WDPCP: variants seen among roughly 807,000 people sequenced by gnomAD.
WDPCP encodes WD repeat-containing and planar cell polarity effector protein fritz homolog.
In WDPCP, 71 loss-of-function variants were observed where a neutral mutation model predicts 93.1. The observed-to-expected ratio is 0.76, with a 90% CI of 0.63 to 0.93. The LOEUF (loss-of-function observed/expected upper bound fraction) is 0.93. Ranked by LOEUF, WDPCP falls within the 40% of genes least tolerant of loss-of-function variation. WDPCP has a pLI of 0.00. For synonymous variants in WDPCP, 315 were observed against 315.0 expected, an observed-to-expected ratio of 1.00 and a Z score of 0.00; for missense variants, 844 against 887.4, an observed-to-expected ratio of 0.95 and a Z score of 0.62.
At chr2:63,249,634 T>A (rs901734254) in intron 14 of WDPCP, among the ~76,000 whole-genome samples, 1 of 152,054 alleles carries the variant, frequency 6.6e-6, no homozygotes. Flanking sequence ...AACTGTGGGG[T>A]AACAAGGACA....
chr2:63,167,211 C>A (rs1399451277), intron 15 of WDPCP, among the ~76,000 whole-genome samples: 2 of 152,116 alleles, frequency 1.3e-5, no homozygotes, highest in Non-Finnish European at 2.9e-5. Flanking sequence ...AACATATGGT[C>A]CATAAGCCTA....
intron 12 of WDPCP, among the ~76,000 whole-genome samples, chr2:63,362,277 T>TGGGTGTGTGTG (rs1553362984): frequency 1.1e-5 from 1 of 94,108 alleles, no homozygotes. Flanking sequence ...TTTTTTTTGG[T>TGGGTGTGTGTG]TGTGTGTGTG....
At chr2:63,797,082 G>A (rs1324650237) in intron 2 of WDPCP, among the ~76,000 whole-genome samples, 1 of 152,172 alleles carries the variant, frequency 6.6e-6, no homozygotes, top group Non-Finnish European at 1.5e-5. Context: ...ACATGACTGG[G>A]CCAGAAGGGA....
intron 12 of WDPCP, among the ~76,000 whole-genome samples, chr2:63,322,078 GTAAATGCA>G (rs1687146134): frequency 1.3e-5 from 2 of 152,294 alleles, no homozygotes; most frequent in South Asian, 4.1e-4. Flanking sequence ...CTAAAGAATT[GTAAATGCA>G]CCAATCAGCA....
At chr2:63,467,049 T>C (rs1219992633) in intron 6 of WDPCP, among the ~76,000 whole-genome samples, 1 of 152,220 alleles carries the variant, frequency 6.6e-6, no homozygotes, top group African/African-American at 2.4e-5. Flanking sequence ...GTCACAACCA[T>C]GTTGCAAAAT....
chr2:63,637,091 T>C (rs1709928424), intron 3 of WDPCP, among the ~76,000 whole-genome samples: 1 of 152,062 alleles, frequency 6.6e-6, no homozygotes, highest in Non-Finnish European at 1.5e-5. Context: ...CGGTAGCTCA[T>C]GCCTGTAATC....
intron 6 of WDPCP, among the ~76,000 whole-genome samples, chr2:63,456,308 T>C (rs987144280): frequency 6.6e-6 from 1 of 152,040 alleles, no homozygotes; most frequent in South Asian, 2.1e-4. Flanking sequence ...TCCCAGCCAC[T>C]TGGGAGGCTG....
At chr2:63,450,261 T>A (rs1340288812) in intron 6 of WDPCP, among the ~76,000 whole-genome samples, 1 of 152,096 alleles carries the variant, frequency 6.6e-6, no homozygotes, top group Non-Finnish European at 1.5e-5. Context: ...TGGAATGGCC[T>A]CCATGCCTAG....
At chr2:63,137,514 G>A (rs144615971) in intron 17 of WDPCP, among the ~76,000 whole-genome samples, 2 of 152,182 alleles carry the variant, frequency 1.3e-5, no homozygotes, top group East Asian at 3.9e-4. Flanking sequence ...TGTTTACTCT[G>A]TTGATAGTTT....
At chr2:63,262,325 T>TA (rs1323130570) in intron 13 of WDPCP, among the ~76,000 whole-genome samples, 5 of 152,068 alleles carry the variant, frequency 3.3e-5, no homozygotes, top group Non-Finnish European at 7.4e-5. Context: ...AATACAGACA[T>TA]ACACATGTTT....
intron 10 of WDPCP, among the ~76,000 whole-genome samples, chr2:63,394,354 A>C (rs1188593010): frequency 6.8e-6 from 1 of 146,096 alleles, no homozygotes; most frequent in Non-Finnish European, 1.5e-5. Flanking sequence ...CATACCAGTC[A>C]GAATGGCTAT....
At chr2:63,820,691 AC>A (rs777125584) in intron 1 of WDPCP, among the ~76,000 whole-genome samples, 1 of 152,138 alleles carries the variant, frequency 6.6e-6, no homozygotes, top group Admixed American at 6.5e-5. Context: ...CTGCAAAAAA[AC>A]GTGTGTTCTT....
At chr2:63,139,163 ATG>A (rs1670871431) in intron 17 of WDPCP, among the ~76,000 whole-genome samples, 1 of 83,794 alleles carries the variant, frequency 1.2e-5, no homozygotes, top group South Asian at 5.2e-4. Context: ...GTATGTATAT[ATG>A]TGTATACACA....
intron 1 of WDPCP, among the ~76,000 whole-genome samples, chr2:63,555,079 T>C (rs902948736): frequency 2.6e-5 from 4 of 152,368 alleles, no homozygotes; most frequent in Non-Finnish European, 5.9e-5. Flanking sequence ...GGAGACTGCC[T>C]AAGACTACCA....
At chr2:63,125,103 G>C (rs1669805196) in intron 17 of WDPCP, among the ~76,000 whole-genome samples, 1 of 152,140 alleles carries the variant, frequency 6.6e-6, no homozygotes, top group East Asian at 1.9e-4. Flanking sequence ...TGCATATTTG[G>C]TATCATATAT....
chr2:63,681,580 A>G (rs991190457), intron 2 of WDPCP, among the ~76,000 whole-genome samples: 1 of 152,114 alleles, frequency 6.6e-6, no homozygotes, highest in Non-Finnish European at 1.5e-5. Context: ...TGACACCTCT[A>G]TGGTACCTAT....
At chr2:63,674,731 C>T (rs1438836487) in intron 2 of WDPCP, among the ~76,000 whole-genome samples, 1 of 150,428 alleles carries the variant, frequency 6.6e-6, no homozygotes, top group African/African-American at 2.4e-5. Flanking sequence ...AAAAAAAAAG[C>T]ATTCAATGGT....
At chr2:63,583,674 C>T (rs1021765086) in intron 1 of WDPCP, among the ~76,000 whole-genome samples, 4 of 97,288 alleles carry the variant, frequency 4.1e-5, no homozygotes, top group African/African-American at 2.0e-4. Flanking sequence ...AGCAAGACTC[C>T]GTTTCAAAAA....
intron 13 of WDPCP, among the ~76,000 whole-genome samples, chr2:63,284,571 T>G (rs1683840086): frequency 6.6e-6 from 1 of 152,180 alleles, no homozygotes; most frequent in Non-Finnish European, 1.5e-5. Flanking sequence ...TTTGGCAAAC[T>G]AAAGGTAACT....
Sources: gnomAD v4.1 joint callset for allele counts (sites outside exome capture counted in the v4.1 genomes callset) on GRCh38, gnomAD v4.1.1 for gene constraint, MANE v1.5 for transcripts, NCBI Gene and HGNC (gene_info 2026-07-23, HGNC 2026-07-21) for gene names.